The following IQCM variants were observed in gnomAD, a reference collection of about 807,000 sequenced individuals.
IQCM encodes the protein IQ motif containing M, also known as IQ domain-containing protein M.
A neutral mutation model predicts 57.6 loss-of-function variants in IQCM; 45 were observed. The ratio of observed to expected loss-of-function variants is 0.78; its 90% CI spans 0.62 to 1.00. The LOEUF (loss-of-function observed/expected upper bound fraction) is 1.00, where lower values mean the gene tolerates loss of function less well. Among genes scored for constraint, IQCM ranks in the 50% least tolerant of loss-of-function variants. The pLI is 0.00. For synonymous variants in IQCM, 148 were observed against 158.9 expected (o/e 0.93, Z 0.51); for missense variants, 468 against 511.6 (o/e 0.91, Z 0.82).
At chr4:149,588,071 A>T (rs1443567419) in intron 8 of IQCM, 74 bp from the exon 9 acceptor site, 9 of 539,114 alleles carry the variant, frequency 1.7e-5, no homozygotes, top group Non-Finnish European at 2.5e-5. Context: ...AATTCCATTG[A>T]CGTTCTGTTA....
intron 12 of IQCM, among the ~76,000 whole-genome samples, chr4:149,539,567 T>A (rs570391874): frequency 5.3e-5 from 8 of 152,168 alleles, no homozygotes; most frequent in African/African-American, 1.4e-4. Flanking sequence ...ATTGAGATGT[T>A]AAAAAATAAA....
rs563338644 is a variant in IQCM at position 149,420,688 on chromosome 4, A to G, written c.1390+12708T>C. On this transcript the variant is annotated intron_variant, in intron 13 of 13. Transcript: ENST00000636793. ...ACTACAATTACCTCAAACTTAAAAC[A>G]AGAAACTGAAACCACAGACACCAGG... 9.6e-4 allele frequency among the ~76,000 whole-genome samples: 146 copies of G among 152,178 alleles called. 3 individuals carry two copies. The highest frequency in any genetic ancestry group is 5.9e-4 in the Admixed American group (9 of 15,260).
chr4:149,552,371 A>T (rs964011019), intron 11 of IQCM, among the ~76,000 whole-genome samples: 2 of 152,214 alleles, frequency 1.3e-5, no homozygotes, highest in Non-Finnish European at 2.9e-5. Context: ...AAGCAGTAAG[A>T]CAATGATTCC....
In IQCM at chr4:149,519,475, A is replaced by C. The variant is rs1209174718; in HGVS notation, c.1228+28980T>G. 2.6e-5 allele frequency among the ~76,000 whole-genome samples: 4 copies of C among 152,014 alleles called. No homozygotes were observed. The South Asian group carries it at 8.3e-4, about 32-fold the overall frequency. Reference sequence around the variant, plus strand: ...TCTCTACTAAAAATACAAAAAAATTAGCCTGGCGTGGTGGCGGGCGCCTGT... The same window carrying C: ...TCTCTACTAAAAATACAAAAAAATTCGCCTGGCGTGGTGGCGGGCGCCTGT... On this transcript the variant is annotated intron_variant, in intron 12 of 13. Coordinates refer to ENST00000636793, the MANE Select transcript of IQCM (RefSeq NM_001363507.2).
At chr4:149,656,966 G>GT (rs1425608796) in intron 7 of IQCM, among the ~76,000 whole-genome samples, 7 of 152,134 alleles carry the variant, frequency 4.6e-5, no homozygotes, top group Admixed American at 2.6e-4. Flanking sequence ...ATTAACAAAA[G>GT]TTTTTTCCAT....
At chr4:149,753,233 A>G (rs1449733633) in intron 2 of IQCM, among the ~76,000 whole-genome samples, 2 of 152,156 alleles carry the variant, frequency 1.3e-5, no homozygotes, top group African/African-American at 4.8e-5. Context: ...ATAGTAATTT[A>G]CTCCATAGGA....
intron 9 of IQCM, among the ~76,000 whole-genome samples, chr4:149,582,663 A>G (rs1752318498): frequency 6.6e-6 from 1 of 151,512 alleles, no homozygotes; most frequent in Non-Finnish European, 1.5e-5. Flanking sequence ...CAAATTCTCA[A>G]AGTCTATAAT....
intron 2 of IQCM, among the ~76,000 whole-genome samples, chr4:149,764,451 G>A (rs543631369): frequency 7.2e-5 from 11 of 152,048 alleles, no homozygotes; most frequent in South Asian, 4.1e-4. Context: ...AACTTTTGTC[G>A]CTGTGCAGCT....
intron 12 of IQCM, among the ~76,000 whole-genome samples, chr4:149,539,116 A>G (rs1197582405): frequency 1.3e-5 from 2 of 152,186 alleles, no homozygotes; most frequent in African/African-American, 4.8e-5. Flanking sequence ...AGATCTTCAT[A>G]GTAACATTAT....
At position 149,670,289 on chromosome 4, in the gene IQCM, G is replaced by T. The variant is rs142922303; in HGVS notation, c.565+11829C>A. On this transcript the variant is annotated intron_variant, in intron 7 of 13. Transcript: ENST00000636793. ...TTTGGCTCTCTGTTTGTCTGTTACT[G>T]GTGTACAGGAATGCCTGTGATTTTT... 3.9e-3 allele frequency among the ~76,000 whole-genome samples: 588 copies of T among 152,220 alleles called. 10 individuals carry two copies. The highest frequency in any genetic ancestry group is 0.03 in the Admixed American group (466 of 15,290).
Position 149,455,803 on chromosome 4 carries a change from C to T in IQCM, c.1229-22246G>A, listed in dbSNP as rs562428576. On this transcript the variant is annotated intron_variant, in intron 12 of 13. Coordinates refer to ENST00000636793, the MANE Select transcript of IQCM (RefSeq NM_001363507.2). ...CAAAATAGCGAGACACCTGTCTCTA[C>T]AAATTTTCTTTTTTTTTTTTAATTA... Among the ~76,000 whole-genome samples, 174 of 151,480 alleles carry T rather than the reference C, an allele frequency of 1.1e-3. 1 individual carries two copies. Among genetic ancestry groups the T allele is most frequent in the African/African-American group, 4.1e-3 (171 of 41,316 alleles).
At chr4:149,547,063 T>G (rs934034291) in intron 12 of IQCM, among the ~76,000 whole-genome samples, 10 of 152,300 alleles carry the variant, frequency 6.6e-5, no homozygotes, top group African/African-American at 2.4e-4. Context: ...CCCAGCACCA[T>G]TTATTAAATA....
intron 12 of IQCM, among the ~76,000 whole-genome samples, chr4:149,544,785 G>A (rs888771178): frequency 1.3e-5 from 2 of 152,070 alleles, no homozygotes; most frequent in East Asian, 1.9e-4. Flanking sequence ...ACAAGAATAC[G>A]CAATAGGGAA....
chr4:149,458,989 T>G (rs1005109482), intron 12 of IQCM, among the ~76,000 whole-genome samples: 18 of 152,172 alleles, frequency 1.2e-4, no homozygotes, highest in Admixed American at 2.6e-4. Flanking sequence ...TGTTGTTATT[T>G]TACTTTCAGC....
At chr4:149,592,248 G>A (rs1056071152) in intron 8 of IQCM, among the ~76,000 whole-genome samples, 3 of 152,108 alleles carry the variant, frequency 2.0e-5, no homozygotes, top group Admixed American at 6.5e-5. Context: ...CTGCATAAAT[G>A]TCTTCTTTTG....
At chr4:149,780,531 TTATA>T (rs371081838) in intron 2 of IQCM, among the ~76,000 whole-genome samples, 2 of 138,170 alleles carry the variant, frequency 1.4e-5, no homozygotes, top group African/African-American at 5.0e-5. Flanking sequence ...AATATGTAAG[TTATA>T]TATATATATA....
At chr4:149,746,911 A>C (rs1204945000) in intron 2 of IQCM, among the ~76,000 whole-genome samples, 6 of 152,172 alleles carry the variant, frequency 3.9e-5, no homozygotes, top group Admixed American at 2.6e-4. Context: ...AGGAGTCTAG[A>C]CCAGGCCACT....
intron 9 of IQCM, among the ~76,000 whole-genome samples, chr4:149,586,074 G>A (rs952469888): frequency 2.0e-5 from 3 of 151,564 alleles, no homozygotes; most frequent in Non-Finnish European, 4.4e-5. Context: ...AATGGCTGGA[G>A]TAATTTTAAC....
intron 12 of IQCM, among the ~76,000 whole-genome samples, chr4:149,472,503 C>T (rs1450068598): frequency 1.3e-5 from 2 of 152,036 alleles, no homozygotes; most frequent in Non-Finnish European, 2.9e-5. Context: ...TATTCCATGC[C>T]CATGGATAGG....
Sources: gnomAD v4.1 joint callset for allele counts (sites outside exome capture counted in the v4.1 genomes callset) on GRCh38, gnomAD v4.1.1 for gene constraint, MANE v1.5 for transcripts, NCBI Gene and HGNC (gene_info 2026-07-23, HGNC 2026-07-21) for gene names.